CCSER1: variants seen among roughly 807,000 people sequenced by gnomAD.
CCSER1 encodes coiled-coil serine rich protein 1.
A neutral mutation model predicts 82.0 loss-of-function variants in CCSER1; 41 were observed. The observed-to-expected ratio is 0.50, with a 90% CI of 0.39 to 0.65. The LOEUF (loss-of-function observed/expected upper bound fraction) is 0.65. CCSER1 is among the 30% of genes least tolerant of loss of function. The pLI, the probability that CCSER1 is intolerant of heterozygous loss-of-function variation, is 0.00. For synonymous variants in CCSER1, 414 were observed against 383.9 expected, an observed-to-expected ratio of 1.08 and a Z score of -0.92; for missense variants, 1,119 against 1,064.2, an observed-to-expected ratio of 1.05 and a Z score of -0.72.
At chr4:91,425,455 T>C (rs1323658427) in intron 10 of CCSER1, among the ~76,000 whole-genome samples, 1 of 152,096 alleles carries the variant, frequency 6.6e-6, no homozygotes, top group African/African-American at 2.4e-5. Context: ...AGCATTGTAA[T>C]TGTAATTATT....
chr4:91,397,436 A>G (rs1262876309), intron 10 of CCSER1, among the ~76,000 whole-genome samples: 1 of 152,112 alleles, frequency 6.6e-6, no homozygotes, highest in Admixed American at 6.6e-5. Context: ...TCAGATGCCA[A>G]AATCCCTATG....
chr4:90,705,915 C>T (rs1008579353), intron 6 of CCSER1, among the ~76,000 whole-genome samples: 1 of 152,218 alleles, frequency 6.6e-6, no homozygotes, highest in Non-Finnish European at 1.5e-5. Context: ...TGACCCCTTG[C>T]ACTTCCGGGG....
intron 1 of CCSER1, among the ~76,000 whole-genome samples, chr4:90,157,807 C>A (rs188361531): frequency 0.015 from 2,244 of 152,154 alleles, 24 homozygotes; most frequent in Non-Finnish European, 0.023. Context: ...AACTTCTTTG[C>A]CTTTGGTTTG....
At chr4:90,397,367 T>G (rs775390688) in intron 3 of CCSER1, among the ~76,000 whole-genome samples, 22 of 152,210 alleles carry the variant, frequency 1.4e-4, no homozygotes, top group Admixed American at 5.2e-4. Flanking sequence ...GATTTTAATA[T>G]TTCCCTGTTC....
intron 1 of CCSER1, among the ~76,000 whole-genome samples, chr4:90,228,577 A>G (rs935809825): frequency 6.6e-6 from 1 of 152,210 alleles, no homozygotes; most frequent in Non-Finnish European, 1.5e-5. Context: ...TCCTCCTCCA[A>G]AGGAACATAA....
chr4:91,425,043 GA>G (rs1279059903), intron 10 of CCSER1, among the ~76,000 whole-genome samples: 3 of 151,888 alleles, frequency 2.0e-5, no homozygotes, highest in Non-Finnish European at 4.4e-5. Flanking sequence ...ACTATCCTAT[GA>G]ATATATATGA....
chr4:90,941,774 T>C (rs983173631), intron 9 of CCSER1, among the ~76,000 whole-genome samples: 1 of 152,156 alleles, frequency 6.6e-6, no homozygotes, highest in Non-Finnish European at 1.5e-5. Context: ...CACTAACTCA[T>C]TTTCAAACAC....
intron 1 of CCSER1, among the ~76,000 whole-genome samples, chr4:90,304,925 T>G (rs1733967289): frequency 6.7e-6 from 1 of 150,352 alleles, no homozygotes; most frequent in African/African-American, 2.4e-5. Context: ...TGTTTTTTAT[T>G]TTTTTTTTTG....
chr4:91,537,666 T>C (rs542987931), intron 10 of CCSER1, among the ~76,000 whole-genome samples: 1 of 152,158 alleles, frequency 6.6e-6, no homozygotes, highest in Non-Finnish European at 1.5e-5. Context: ...AATTATTTTT[T>C]GAGTACTTAG....
chr4:90,452,833 A>G (rs1761655235), intron 4 of CCSER1, among the ~76,000 whole-genome samples: 1 of 152,124 alleles, frequency 6.6e-6, no homozygotes, highest in South Asian at 2.1e-4. Flanking sequence ...GAGGCAAGGA[A>G]AGAAGGACAT....
chr4:91,456,105 A>G (rs1320302373), intron 10 of CCSER1, among the ~76,000 whole-genome samples: 9 of 151,956 alleles, frequency 5.9e-5, no homozygotes, highest in Admixed American at 5.9e-4. Flanking sequence ...CCAGTTCTGG[A>G]GGTTAGAAGT....
intron 10 of CCSER1, among the ~76,000 whole-genome samples, chr4:91,551,342 A>G (rs1420801092): frequency 6.6e-6 from 1 of 152,154 alleles, no homozygotes; most frequent in Non-Finnish European, 1.5e-5. Context: ...ACAGTGAGCT[A>G]TGAATTACTC....
chr4:90,815,793 A>C lies in CCSER1; in HGVS notation c.2042A>C (p.Lys681Thr). 6.4e-7 allele frequency: 1 copy of C among 1,551,206 alleles called. No individual in the cohort carries two copies. Among genetic ancestry groups the C allele is most frequent in the Non-Finnish European group, 8.7e-7 (1 of 1,146,764 alleles). The change falls in exon 8 of 11, where the codon AAG (lysine) becomes ACG (threonine). Residue 681 changes from lysine to threonine, a missense_variant. Transcript: ENST00000509176. The part of the protein sequence containing the change: ...DIMKDECSML[K>T]LQLKEKDELI... ...ATGAAAGATGAATGCTCGATGCTCA[A>C]GCTGCAGCTGAAAGAGAAGGATGAA... is the stretch of plus-strand genomic sequence containing the variant.
intron 9 of CCSER1, among the ~76,000 whole-genome samples, chr4:90,948,445 T>A (rs1732521556): frequency 6.6e-6 from 1 of 151,860 alleles, no homozygotes; most frequent in Non-Finnish European, 1.5e-5. Context: ...TGTTCTCAAT[T>A]TTTTTCGTTT....
chr4:90,445,756 G>A (rs1205105860), intron 4 of CCSER1, among the ~76,000 whole-genome samples: 1 of 152,050 alleles, frequency 6.6e-6, no homozygotes, highest in Non-Finnish European at 1.5e-5. Context: ...CTATTAGATA[G>A]CATGACATTC....
intron 3 of CCSER1, among the ~76,000 whole-genome samples, chr4:90,338,223 T>C (rs1428391201): frequency 1.3e-5 from 2 of 152,234 alleles, no homozygotes; most frequent in Non-Finnish European, 1.5e-5. Flanking sequence ...TTTCTACCTA[T>C]TCCTGAATGT....
chr4:90,863,349 G>A (rs1041261223), intron 8 of CCSER1, among the ~76,000 whole-genome samples: 3 of 151,814 alleles, frequency 2.0e-5, no homozygotes, highest in African/African-American at 4.8e-5. Flanking sequence ...GTGAGTTCCT[G>A]TAATATTCAA....
chr4:91,196,146 C>T (rs1437761202), intron 10 of CCSER1, among the ~76,000 whole-genome samples: 1 of 145,282 alleles, frequency 6.9e-6, no homozygotes, highest in Admixed American at 7.1e-5. Context: ...GAGATTGCTC[C>T]ACAGCAGTCC....
intron 5 of CCSER1, among the ~76,000 whole-genome samples, chr4:90,499,306 C>A (rs1769484651): frequency 6.6e-6 from 1 of 152,064 alleles, no homozygotes; most frequent in African/African-American, 2.4e-5. Context: ...TTAAAAATCA[C>A]CTGCCTCTTA....
Sources: gnomAD v4.1 joint callset for allele counts (sites outside exome capture counted in the v4.1 genomes callset) on GRCh38, gnomAD v4.1.1 for gene constraint, MANE v1.5 for transcripts, NCBI Gene and HGNC (gene_info 2026-07-23, HGNC 2026-07-21) for gene names.